PLCG2: variants seen among roughly 807,000 people sequenced by gnomAD.
PLCG2 encodes 1-phosphatidylinositol 4,5-bisphosphate phosphodiesterase gamma-2.
A neutral mutation model predicts 175.6 loss-of-function variants in PLCG2; 69 were observed. The observed-to-expected ratio is 0.39, with a 90% CI of 0.32 to 0.48. The LOEUF is 0.48. Among genes scored for constraint, PLCG2 ranks in the 20% least tolerant of loss-of-function variants. PLCG2 has a pLI of 0.91. For synonymous variants in PLCG2, 827 were observed against 624.0 expected (o/e 1.33, Z -4.85); for missense variants, 1,798 against 1,650.9 (o/e 1.09, Z -1.54).
In PLCG2 at chr16:81,936,525, T is replaced by C. The variant is rs920128087; in HGVS notation, c.3052+147T>C. The C allele has an allele frequency of 6.0e-6, 4 of 664,052 alleles. No homozygotes were observed. The African/African-American group carries it at 7.2e-5, about 12-fold the overall frequency. The allele number at this position is 664,052 out of a possible 1,614,324, so 41.1% of individuals were successfully genotyped here. The stretch of plus-strand genomic sequence containing the variant: ...CTGCACGGTTCAGCAGAGTAATGGT[T>C]AGTATGAGGTCCAGCAGCTGAATGG... On this transcript the variant is annotated intron_variant, in intron 27 of 32. Transcript: ENST00000564138.
intron 2 of PLCG2, among the ~76,000 whole-genome samples, chr16:81,831,945 A>C (rs751414343): frequency 3.3e-5 from 5 of 152,192 alleles, no homozygotes; most frequent in Admixed American, 6.5e-5. Flanking sequence ...AAGCGGGGGC[A>C]GGGGTGACTC....
chr16:81,838,701 G>C (rs957793347), intron 2 of PLCG2, among the ~76,000 whole-genome samples: 2 of 151,644 alleles, frequency 1.3e-5, no homozygotes, highest in African/African-American at 4.8e-5. Flanking sequence ...GGTGCAGCAA[G>C]CCACCATGGC....
At chr16:81,750,096 T>C (rs756970695) in intron 1 of PLCG2, among the ~76,000 whole-genome samples, 3 of 151,598 alleles carry the variant, frequency 2.0e-5, no homozygotes, top group Non-Finnish European at 2.9e-5. Flanking sequence ...TTAGCAAACA[T>C]AGAAAACAAT....
rs1906784000 is a variant in PLCG2 at position 81,858,259 on chromosome 16, C to G, written c.338-4C>G. The G allele has an allele frequency of 5.6e-6, 9 of 1,605,658 alleles. No individual in the cohort carries two copies. The highest frequency in any genetic ancestry group is 7.7e-6 in the Non-Finnish European group (9 of 1,172,258). ...AGCATTTCTGTTCCCTTTCTCCACT[C>G]CAGCTGACTCTAAAGAGGATGCAGT... On this transcript the variant is annotated splice_polypyrimidine_tract_variant and splice_region_variant and intron_variant, in intron 3 of 32. Transcript: ENST00000564138.
intron 2 of PLCG2, among the ~76,000 whole-genome samples, chr16:81,854,096 G>GTT (rs5818355): frequency 2.4e-4 from 36 of 150,802 alleles, no homozygotes; most frequent in Non-Finnish European, 4.4e-4. Flanking sequence ...TTGGTCTCTT[G>GTT]TTTTTTTTTG....
intron 2 of PLCG2, among the ~76,000 whole-genome samples, chr16:81,823,768 A>T (rs1409628062): frequency 1.3e-5 from 2 of 151,026 alleles, no homozygotes. Flanking sequence ...GGCCTCAAGC[A>T]ATCCCCTGAC....
chr16:81,740,711 C>A (rs970388538), intron 1 of PLCG2: 1 of 109,802 alleles, frequency 9.1e-6, no homozygotes, highest in African/African-American at 3.6e-5. Flanking sequence ...GGCAACAGAG[C>A]CAGACTCCAT....
chr16:81,859,265 T>A, intron 5 of PLCG2, 102 bp downstream of exon 5: 5 of 759,276 alleles, frequency 6.6e-6, no homozygotes, highest in Non-Finnish European at 9.5e-6. Context: ...GGGAGCAAGG[T>A]CCTCACTGCG....
intron 2 of PLCG2, among the ~76,000 whole-genome samples, chr16:81,854,191 A>G (rs1307525387): frequency 1.3e-5 from 2 of 152,212 alleles, no homozygotes; most frequent in East Asian, 1.9e-4. Flanking sequence ...CTGTCTGAGA[A>G]ACAGGGTGAG....
At chr16:81,847,409 C>T (rs1401675407) in intron 2 of PLCG2, among the ~76,000 whole-genome samples, 1 of 152,116 alleles carries the variant, frequency 6.6e-6, no homozygotes, top group Admixed American at 6.6e-5. Context: ...CAGTCTTTAG[C>T]CCCTCTCTCC....
At chr16:81,788,456 AT>A (rs1911082374) in intron 2 of PLCG2, among the ~76,000 whole-genome samples, 1 of 151,952 alleles carries the variant, frequency 6.6e-6, no homozygotes. Context: ...AATTTTTTGT[AT>A]TTTTAGTAGA....
chr16:81,891,705 G>C, intron 11 of PLCG2, 115 bp downstream of exon 11: 1 of 662,670 alleles, frequency 1.5e-6, no homozygotes, highest in Non-Finnish European at 2.8e-6. Context: ...GGAGGGTGTA[G>C]CACCGCATTC....
intron 31 of PLCG2, among the ~76,000 whole-genome samples, chr16:81,955,989 C>T (rs954376562): frequency 2.0e-5 from 3 of 152,186 alleles, no homozygotes; most frequent in Non-Finnish European, 2.9e-5. Flanking sequence ...GTTGTACAGT[C>T]ATGGCCACAA....
At chr16:81,921,489 G>C in intron 21 of PLCG2, 1 of 573,110 alleles carries the variant, frequency 1.7e-6, no homozygotes, top group Non-Finnish European at 3.2e-6. Flanking sequence ...ACAGTGTTTT[G>C]CTAAAATTCT....
intron 21 of PLCG2, among the ~76,000 whole-genome samples, chr16:81,921,844 C>A (rs1026715934): frequency 1.3e-4 from 20 of 152,226 alleles, no homozygotes; most frequent in African/African-American, 4.8e-4. Context: ...CTTGTGGGCT[C>A]TGTTGAAATC....
In PLCG2 at chr16:81,801,839, C is replaced by G. The variant is rs146762754; in HGVS notation, c.193+15657C>G. Among the ~76,000 whole-genome samples the G allele has an allele frequency of 2.9e-3, 441 of 152,056 alleles. 1 individual carries two copies. Among genetic ancestry groups the G allele is most frequent in the African/African-American group, 0.01 (427 of 41,486 alleles). Reference sequence around the variant, plus strand: ...GGGATTACAGTTGTACACCACCACGCCTGGTTAATTTTTGTACTTTTAGTA... The same window carrying G: ...GGGATTACAGTTGTACACCACCACGGCTGGTTAATTTTTGTACTTTTAGTA... On this transcript the variant is annotated intron_variant, in intron 2 of 32. Transcript: ENST00000564138.
At chr16:81,818,548 G>A (rs958718354) in intron 2 of PLCG2, among the ~76,000 whole-genome samples, 3 of 152,040 alleles carry the variant, frequency 2.0e-5, no homozygotes, top group African/African-American at 7.2e-5. Context: ...ATGGAGCTCC[G>A]AAGGCCTGAG....
chr16:81,952,000 T>C (rs2143769312), intron 31 of PLCG2, among the ~76,000 whole-genome samples: 1 of 152,302 alleles, frequency 6.6e-6, no homozygotes, highest in African/African-American at 2.4e-5. Flanking sequence ...CGTAACCACT[T>C]CTGTCTGTTC....
intron 23 of PLCG2, 82 bp from the exon 24 acceptor site, chr16:81,928,476 C>T: frequency 1.1e-6 from 1 of 877,770 alleles, no homozygotes; most frequent in Non-Finnish European, 2.0e-6. Flanking sequence ...AGTATCTCTG[C>T]TAAACGGTGT....
Sources: gnomAD v4.1 joint callset for allele counts (sites outside exome capture counted in the v4.1 genomes callset) on GRCh38, gnomAD v4.1.1 for gene constraint, MANE v1.5 for transcripts, NCBI Gene and HGNC (gene_info 2026-07-23, HGNC 2026-07-21) for gene names.